Variants in CUX2 observed in about 807,000 individuals in gnomAD.
The protein encoded by CUX2 is cut like homeobox 2.
Under a neutral mutation model 144.8 loss-of-function variants are expected in CUX2, and 40 were observed. The ratio of observed to expected loss-of-function variants is 0.28; its 90% CI spans 0.21 to 0.36. The LOEUF is 0.36. Ranked by LOEUF, CUX2 falls within the 10% of genes least tolerant of loss-of-function variation. CUX2 has a pLI of 1.00. For synonymous variants in CUX2, 827 were observed against 875.6 expected (o/e 0.94, Z 0.98); for missense variants, 1,615 against 1,994.0 (o/e 0.81, Z 3.62).
At chr12:111,232,882 C>T (rs572480662) in intron 3 of CUX2, among the ~76,000 whole-genome samples, 3 of 152,346 alleles carry the variant, frequency 2.0e-5, no homozygotes, top group South Asian at 2.1e-4. Context: ...AGACGAGTCC[C>T]TCACAGAGCT....
intron 1 of CUX2, among the ~76,000 whole-genome samples, chr12:111,137,363 GT>G (rs796489196): frequency 3.8e-4 from 54 of 140,788 alleles, no homozygotes; most frequent in African/African-American, 1.6e-3. Context: ...TGTTGTTGTT[GT>G]TTGTTGATGT....
At chr12:111,085,282 G>A (rs1434832379) in intron 1 of CUX2, among the ~76,000 whole-genome samples, 2 of 152,192 alleles carry the variant, frequency 1.3e-5, no homozygotes, top group Non-Finnish European at 2.9e-5. Context: ...AGCCAAGGTG[G>A]AAGAATTTAC....
chr12:111,312,000 C>T (rs1886930295), intron 15 of CUX2, 100 bp from the exon 16 acceptor site: 3 of 918,334 alleles, frequency 3.3e-6, no homozygotes, highest in Non-Finnish European at 5.0e-6. Flanking sequence ...GTCTGACCCT[C>T]ACTCTTCTGG....
chr12:111,143,859 C>A (rs986513013), intron 1 of CUX2, among the ~76,000 whole-genome samples: 5 of 152,184 alleles, frequency 3.3e-5, no homozygotes, highest in African/African-American at 1.2e-4. Flanking sequence ...CTGTCAGCAC[C>A]TCCCAGGATT....
At chr12:111,075,391 T>C (rs919914128) in intron 1 of CUX2, among the ~76,000 whole-genome samples, 3 of 152,040 alleles carry the variant, frequency 2.0e-5, no homozygotes, top group Non-Finnish European at 4.4e-5. Flanking sequence ...TTCCTGGTGG[T>C]CCGTAAGAGT....
chr12:111,338,902 A>T (rs910648324), intron 20 of CUX2, among the ~76,000 whole-genome samples: 2 of 151,974 alleles, frequency 1.3e-5, no homozygotes, highest in Non-Finnish European at 2.9e-5. Context: ...TCCAATTTTT[A>T]AAAAAGTTGG....
At chr12:111,137,598 G>A (rs750731260) in intron 1 of CUX2, among the ~76,000 whole-genome samples, 11 of 151,762 alleles carry the variant, frequency 7.2e-5, no homozygotes, top group East Asian at 1.9e-4. Flanking sequence ...CTACAGTCTC[G>A]ACCTCCCCAG....
At chr12:111,184,190 C>T (rs1366253778) in intron 1 of CUX2, among the ~76,000 whole-genome samples, 1 of 152,194 alleles carries the variant, frequency 6.6e-6, no homozygotes, top group Admixed American at 6.5e-5. Context: ...TGTCTAAGAA[C>T]TTATTCTTCA....
At chr12:111,095,690 G>A (rs965601744) in intron 1 of CUX2, among the ~76,000 whole-genome samples, 3 of 152,200 alleles carry the variant, frequency 2.0e-5, no homozygotes, top group Non-Finnish European at 4.4e-5. Flanking sequence ...ATGAGAGGGT[G>A]CAGGTGAAGG....
At chr12:111,308,748 G>T (rs1444960790) in intron 14 of CUX2, among the ~76,000 whole-genome samples, 1 of 152,130 alleles carries the variant, frequency 6.6e-6, no homozygotes, top group Non-Finnish European at 1.5e-5. Context: ...CCCTTCCAAG[G>T]CCCCCTAAAG....
chr12:111,235,281 T>TAAG (rs1882684169), intron 3 of CUX2, among the ~76,000 whole-genome samples: 1 of 152,128 alleles, frequency 6.6e-6, no homozygotes, highest in Non-Finnish European at 1.5e-5. Flanking sequence ...AGTCTGCAGT[T>TAAG]TGTCTGTGGG....
rs1887443852 is a variant in CUX2, at chr12:111,320,178, G to GC, written c.2175dup (p.Ser726LeufsTer130). ...AGGTGGCGCCCAGGGGCCGCTCGGT[G>GC]CCCCCCTCGCCCCCGGAGCGGCCAT... On this transcript the variant is annotated frameshift_variant, in exon 17 of 22. Transcript: ENST00000261726. LOFTEE classifies it high-confidence loss of function. The surrounding 1 kb of genome is among the most constrained non-coding windows in gnomAD (Gnocchi z 8.1). 2 of 1,527,836 alleles carry GC rather than the reference G, an allele frequency of 1.3e-6. No homozygotes were observed. Among genetic ancestry groups the GC allele is most frequent in the Non-Finnish European group, 1.7e-6 (2 of 1,143,032 alleles). The allele number at this position is 1,527,836 out of a possible 1,614,324, so 94.6% of individuals were successfully genotyped here. A position where few individuals can be genotyped will look rare whatever the true frequency, so the allele number is the denominator to read the frequency against.
rs184370843 is a variant in CUX2 at position 111,160,884 on chromosome 12, C to T, written c.64-53316C>T. Among the ~76,000 whole-genome samples, 2 of 152,100 alleles carry T rather than the reference C, an allele frequency of 1.3e-5. No homozygotes were observed. Among genetic ancestry groups the T allele is most frequent in the Admixed American group, 6.5e-5 (1 of 15,278 alleles). ...CTGAACAGCTGGGTGGACTCCGTGC[C>T]GCTTCCTGCCATGGGGAAGATGCAG... On this transcript the variant is annotated intron_variant, in intron 1 of 21. Coordinates refer to ENST00000261726, the MANE Select transcript of CUX2 (RefSeq NM_015267.4). This position sits in a 1 kb window ranked among gnomAD's most constrained non-coding sequence, Gnocchi z 4.1.
chr12:111,145,052 TGA>T (rs1303939845), intron 1 of CUX2, among the ~76,000 whole-genome samples: 1 of 152,206 alleles, frequency 6.6e-6, no homozygotes, highest in Non-Finnish European at 1.5e-5. Context: ...GCCTCCAGGC[TGA>T]GTTTCTGCTT....
intron 1 of CUX2, among the ~76,000 whole-genome samples, chr12:111,094,708 G>A (rs1872722681): frequency 6.6e-6 from 1 of 152,134 alleles, no homozygotes. Context: ...TGTTTGCCCA[G>A]GCTGGTCTCC....
At chr12:111,238,639 A>G (rs571039799) in intron 3 of CUX2, among the ~76,000 whole-genome samples, 8 of 152,304 alleles carry the variant, frequency 5.3e-5, no homozygotes, top group African/African-American at 1.9e-4. Context: ...AGTGCCTACT[A>G]TGTGCCGAGC....
At chr12:111,339,955 G>A (rs1194044419) in intron 20 of CUX2, among the ~76,000 whole-genome samples, 1 of 152,204 alleles carries the variant, frequency 6.6e-6, no homozygotes, top group Admixed American at 6.5e-5. Context: ...TAGCACTTTG[G>A]GAGGCCAAGG....
At chr12:111,151,539 T>G (rs1877048617) in intron 1 of CUX2, among the ~76,000 whole-genome samples, 1 of 152,206 alleles carries the variant, frequency 6.6e-6, no homozygotes, top group African/African-American at 2.4e-5. Flanking sequence ...ATTCGCAGTT[T>G]CGTCTGGATT....
In CUX2 at chr12:111,243,669, A is replaced by G. The variant is rs1883141434; in HGVS notation, c.223-20092A>G. On this transcript the variant is annotated intron_variant, in intron 3 of 21. Coordinates refer to ENST00000261726, the MANE Select transcript of CUX2 (RefSeq NM_015267.4). ...CGGGCATGCACCACCATGTCTGGCTAAGATGTACCTCTTAAGTAGAGTGAT... is the reference window on the plus strand; with the variant it reads ...CGGGCATGCACCACCATGTCTGGCTGAGATGTACCTCTTAAGTAGAGTGAT... Among the ~76,000 whole-genome samples, 3 of 151,882 alleles carry G rather than the reference A, an allele frequency of 2.0e-5. No homozygotes were observed. In the South Asian group the frequency reaches 6.2e-4, roughly 32 times the overall value.
Sources: allele counts gnomAD v4.1 joint callset (sites outside exome capture counted in the v4.1 genomes callset), GRCh38; gene constraint gnomAD v4.1.1; non-coding constraint Gnocchi (gnomAD v3.1); transcripts MANE v1.5; gene names NCBI Gene and HGNC (gene_info 2026-07-23, HGNC 2026-07-21).